IFIT2: variants seen among roughly 807,000 people sequenced by gnomAD.
IFIT2 encodes the protein interferon induced protein with tetratricopeptide repeats 2.
In IFIT2, 3 loss-of-function variants were observed where a neutral mutation model predicts 2.5. The ratio of observed to expected loss-of-function variants is 1.21; its 90% CI spans 0.55 to 3.14. The LOEUF (loss-of-function observed/expected upper bound fraction) is 3.14. Ranked by LOEUF, IFIT2 falls within the 30% of genes most tolerant of loss-of-function variation. The pLI is 0.03. For missense variants in IFIT2, 493 were observed against 558.9 expected, an observed-to-expected ratio of 0.88 and a Z score of 1.19; for synonymous variants, 212 against 200.7, an observed-to-expected ratio of 1.06 and a Z score of -0.48.
intron 1 of IFIT2, among the ~76,000 whole-genome samples, chr10:89,304,966 C>G (rs1843469437): frequency 1.4e-5 from 2 of 147,752 alleles, no homozygotes; most frequent in Admixed American, 1.4e-4. Context: ...ATTATAAAAG[C>G]AAAACCCAGA....
Position 89,306,527 on chromosome 10 carries a change from TC to T in IFIT2, c.572del (p.Ser191PhefsTer8). ...ASYRLDNWPP[S>X]QNAIDPLRQA... is the part of the protein sequence containing the mutation. ...CTACCGTCTGGACAACTGGCCACCA[TC>T]TCAGAACGCCATTGACCCTCTGAGG... On this transcript the variant is annotated frameshift_variant, in exon 2 of 2. Coordinates refer to ENST00000371826, the MANE Select transcript of IFIT2 (RefSeq NM_001547.5). LOFTEE classifies it low-confidence loss of function (END_TRUNC). 6.2e-7 allele frequency: 1 copy of T among 1,614,088 alleles called. No individual in the cohort carries two copies. The highest frequency in any genetic ancestry group is 8.5e-7 in the Non-Finnish European group (1 of 1,179,984).
chr10:89,306,640 G>T lies in IFIT2; in HGVS notation c.684G>T (p.Glu228Asp), dbSNP rs746375885. ...ATAAGATGCGTGAAGAAGGTGAAGA[G>T]GAAGGTGAAGGAGAGAAGTTAGTTG... ...KLHKMREEGEEEGEGEKLVEE... is the reference protein window; with the variant it reads ...KLHKMREEGEDEGEGEKLVEE... The change falls in exon 2 of 2, where the codon GAG becomes GAT. Residue 228 changes from glutamate to aspartate, a missense_variant. Transcript: ENST00000371826. 17 of 1,614,010 alleles carry T rather than the reference G, an allele frequency of 1.1e-5. No individual in the cohort carries two copies. The highest frequency in any genetic ancestry group is 8.3e-5 in the Admixed American group (5 of 60,000).
chr10:89,304,025 A>G (rs1843462480), intron 1 of IFIT2, among the ~76,000 whole-genome samples: 1 of 152,180 alleles, frequency 6.6e-6, no homozygotes, highest in Non-Finnish European at 1.5e-5. Context: ...TGGGGTCACT[A>G]CAGTCCTACC....
intron 1 of IFIT2, among the ~76,000 whole-genome samples, chr10:89,302,526 A>G (rs1843451859): frequency 6.6e-6 from 1 of 152,220 alleles, no homozygotes; most frequent in African/African-American, 2.4e-5. Flanking sequence ...TTGTAATACA[A>G]TTATTTAACA....
chr10:89,306,354 T>C lies in IFIT2; in HGVS notation c.398T>C (p.Ile133Thr). 2 of 1,614,076 alleles carry C rather than the reference T, an allele frequency of 1.2e-6. No individual in the cohort carries two copies. The highest frequency in any genetic ancestry group is 1.7e-6 in the Non-Finnish European group (2 of 1,180,004). Reference protein sequence around the residue: ...VCEKFSSPYRIESPELDCEEG... With the variant: ...VCEKFSSPYRTESPELDCEEG... Reference sequence around the variant, plus strand: ...GAGAAGTTTTCCAGTCCCTATAGAATTGAGAGTCCAGAGCTTGACTGTGAG... The same window carrying C: ...GAGAAGTTTTCCAGTCCCTATAGAACTGAGAGTCCAGAGCTTGACTGTGAG... Residue 133 changes from isoleucine to threonine, a missense_variant, in exon 2 of 2, where the codon ATT becomes ACT. Ile to Thr is a moderately conservative substitution (Grantham distance 89). Transcript: ENST00000371826.
chr10:89,306,737 G>C lies in IFIT2; in HGVS notation c.781G>C (p.Asp261His). Residue 261 changes from aspartate to histidine, a missense_variant, in exon 2 of 2, where the codon GAT becomes CAT. By Grantham distance (81) the Asp-to-His change is moderately conservative (BLOSUM62 -1). Transcript: ENST00000371826. ...RSAAKFYRRK[D>H]EPDKAIELLK... Reference sequence around the variant, plus strand: ...TGCAGCCAAGTTTTATCGAAGAAAAGATGAGCCAGACAAAGCGATTGAACT... The same window carrying C: ...TGCAGCCAAGTTTTATCGAAGAAAACATGAGCCAGACAAAGCGATTGAACT... The C allele has an allele frequency of 6.2e-7, 1 of 1,614,132 alleles. No individual in the cohort carries two copies. Among genetic ancestry groups the C allele is most frequent in the Non-Finnish European group, 8.5e-7 (1 of 1,179,990 alleles).
At chr10:89,303,492 G>A (rs553080154) in intron 1 of IFIT2, among the ~76,000 whole-genome samples, 149 of 152,300 alleles carry the variant, frequency 9.8e-4, no homozygotes, top group East Asian at 1.4e-3. Context: ...TATAGGAATC[G>A]GGAGAATAGG....
chr10:89,303,451 T>C (rs1843458728), intron 1 of IFIT2, among the ~76,000 whole-genome samples: 1 of 152,162 alleles, frequency 6.6e-6, no homozygotes, highest in Non-Finnish European at 1.5e-5. Context: ...AAGGAAGAAA[T>C]TGTTGTTGTT....
intron 1 of IFIT2, among the ~76,000 whole-genome samples, chr10:89,303,754 T>C (rs1015353151): frequency 1.3e-5 from 2 of 152,234 alleles, no homozygotes; most frequent in African/African-American, 2.4e-5. Flanking sequence ...AGAAAGGAGC[T>C]AAGGAGTTTA....
At position 89,306,924 on chromosome 10, in the gene IFIT2, T is replaced by C. The variant is rs1244258939; in HGVS notation, c.968T>C (p.Leu323Pro). 4.3e-6 allele frequency: 7 copies of C among 1,613,874 alleles called. No homozygotes were observed. Among genetic ancestry groups the C allele is most frequent in the Non-Finnish European group, 5.9e-6 (7 of 1,179,942 alleles). Residue 323 changes from leucine (L) to proline (P), a missense_variant, in exon 2 of 2, where the codon CTG becomes CCG. By Grantham distance (98) the Leu-to-Pro change is moderately conservative. Coordinates refer to ENST00000371826, the MANE Select transcript of IFIT2 (RefSeq NM_001547.5). ...LELIGHAVAH[L>P]KKADEANDNL... ...CTAATAGGACACGCTGTGGCTCATC[T>C]GAAGAAAGCTGATGAGGCCAATGAT...
chr10:89,307,210 T>C lies in IFIT2; in HGVS notation c.1254T>C (p.Ile418=). The change falls in exon 2 of 2, where the codon ATT becomes ATC. Residue 418 remains isoleucine (I), a synonymous_variant. Coordinates refer to ENST00000371826, the MANE Select transcript of IFIT2 (RefSeq NM_001547.5). The part of the protein sequence containing the change: ...KEKMKDKLQK[I]AKMRLSKNGA... The stretch of plus-strand genomic sequence containing the variant: ...AGATGAAAGACAAACTGCAAAAAAT[T>C]GCCAAAATGCGACTTTCTAAAAATG... 1.2e-6 allele frequency: 2 copies of C among 1,613,990 alleles called. No homozygotes were observed. Among genetic ancestry groups the C allele is most frequent in the Non-Finnish European group, 1.7e-6 (2 of 1,179,936 alleles).
chr10:89,302,346 C>G (rs1039359041), intron 1 of IFIT2, among the ~76,000 whole-genome samples: 7 of 152,122 alleles, frequency 4.6e-5, no homozygotes, highest in African/African-American at 1.7e-4. Context: ...TTCCTAAATT[C>G]ATCTCCAGAA....
Position 89,306,559 on chromosome 10 carries a change from C to T in IFIT2, c.603C>T (p.Ala201=). ...ACGCCATTGACCCTCTGAGGCAAGC[C>T]ATTCGGCTGAATCCTGACAACCAGT... ...SQNAIDPLRQ[A]IRLNPDNQYL... Residue 201 remains alanine, a synonymous_variant, in exon 2 of 2, where the codon GCC becomes GCT. Transcript: ENST00000371826. 1 of 1,614,106 alleles carries T rather than the reference C, an allele frequency of 6.2e-7. No individual in the cohort carries two copies. Among genetic ancestry groups the T allele is most frequent in the Non-Finnish European group, 8.5e-7 (1 of 1,179,968 alleles).
chr10:89,305,996 CG>C lies in IFIT2; in HGVS notation c.42del (p.Gln15AsnfsTer2). 6.2e-7 allele frequency: 1 copy of C among 1,613,496 alleles called. No homozygotes were observed. The highest frequency in any genetic ancestry group is 8.5e-7 in the Non-Finnish European group (1 of 1,179,478). On this transcript the variant is annotated frameshift_variant, in exon 2 of 2. Transcript: ENST00000371826. LOFTEE classifies it low-confidence loss of function (END_TRUNC). Reference protein sequence around the residue: ...NNKNSLESSLRQLKCHFTWNL... With the variant: ...NNKNSLESSLXQLKCHFTWNL... ...TAAGAATTCCTTGGAGAGCAGCCTACGGCAACTAAAATGCCATTTCACCTGG... is the reference window on the plus strand; with the variant it reads ...TAAGAATTCCTTGGAGAGCAGCCTACGCAACTAAAATGCCATTTCACCTGG...
In IFIT2 at chr10:89,306,848, G is replaced by C. The variant is rs1170231819; in HGVS notation, c.892G>C (p.Val298Leu). 1.2e-6 allele frequency: 2 copies of C among 1,613,962 alleles called. No individual in the cohort carries two copies. Among genetic ancestry groups the C allele is most frequent in the African/African-American group, 2.7e-5 (2 of 74,922 alleles). The change falls in exon 2 of 2, where the codon GTA (valine) becomes CTA (leucine). Residue 298 changes from valine (V) to leucine (L), a missense_variant. Val to Leu is a conservative substitution (Grantham distance 32). Transcript: ENST00000371826. ...CTGCTATAGGGCAAAAGTCTTCCAA[G>C]TAATGAATCTAAGAGAGAATGGAAT... ...GCCYRAKVFQ[V>L]MNLRENGMYG...
intron 1 of IFIT2, among the ~76,000 whole-genome samples, chr10:89,302,389 G>A (rs758748794): frequency 1.3e-5 from 2 of 152,158 alleles, no homozygotes; most frequent in African/African-American, 4.8e-5. Flanking sequence ...TGCAATCAGA[G>A]AAAGAAGGCA....
intron 1 of IFIT2, among the ~76,000 whole-genome samples, 198 bp from the exon 2 acceptor site, chr10:89,305,764 T>G (rs112958191): frequency 0.04 from 6,091 of 152,260 alleles, 406 homozygotes; most frequent in African/African-American, 0.14. Flanking sequence ...ATTCTTCTGC[T>G]GCCCACAGTC....
chr10:89,305,666 C>G (rs1237241592), intron 1 of IFIT2, among the ~76,000 whole-genome samples: 1 of 152,104 alleles, frequency 6.6e-6, no homozygotes, highest in African/African-American at 2.4e-5. Context: ...CCCTCGAAAG[C>G]AGAGAGGGCA....
In IFIT2 at chr10:89,308,419, T is replaced by A. The variant is rs1843496930; in HGVS notation, c.*1044T>A. 1 of 152,174 alleles carries A rather than the reference T, an allele frequency of 6.6e-6. No homozygotes were observed. Among genetic ancestry groups the A allele is most frequent in the East Asian group, 1.9e-4 (1 of 5,198 alleles). The allele number at this position is 152,174 out of a possible 1,614,324, so 9.4% of individuals were successfully genotyped here. A position where few individuals can be genotyped will look rare whatever the true frequency, so the allele number is the denominator to read the frequency against. On this transcript the variant is annotated 3_prime_UTR_variant, in exon 2 of 2. Coordinates refer to ENST00000371826, the MANE Select transcript of IFIT2 (RefSeq NM_001547.5). Reference sequence around the variant, plus strand: ...CAACAAAACGTGGGAACCTGGTGACTAAGGGCCTGGTGCAAGGACTTGGGA... The same window carrying A: ...CAACAAAACGTGGGAACCTGGTGACAAAGGGCCTGGTGCAAGGACTTGGGA...
Sources: gnomAD v4.1 joint callset for allele counts (sites outside exome capture counted in the v4.1 genomes callset) on GRCh38, gnomAD v4.1.1 for gene constraint, MANE v1.5 for transcripts, NCBI Gene and HGNC (gene_info 2026-07-23, HGNC 2026-07-21) for gene names.